Variants in MTMR8 observed in about 807,000 individuals in gnomAD.
MTMR8 encodes the protein phosphatidylinositol-3,5-bisphosphate 3-phosphatase MTMR8.
Under a neutral mutation model 39.3 loss-of-function variants are expected in MTMR8, and 65 were observed. That is an observed-to-expected ratio of 1.65 (90% confidence interval 1.35 to 2.03). The LOEUF (loss-of-function observed/expected upper bound fraction) is 2.03, where lower values mean the gene tolerates loss of function less well. Ranked by LOEUF, MTMR8 falls within the 30% of genes most tolerant of loss-of-function variation. The probability of loss-of-function intolerance (pLI) is 0.00; values close to 1 mark genes in which losing one functional copy is unlikely to be tolerated. For missense variants in MTMR8, 777 were observed against 538.9 expected, an observed-to-expected ratio of 1.44 and a Z score of -4.37; for synonymous variants, 245 against 185.2, an observed-to-expected ratio of 1.32 and a Z score of -2.62.
chrX:64,285,054 T>G (rs1389591124), intron 12 of MTMR8, among the ~76,000 whole-genome samples: 1 of 111,629 alleles, frequency 9.0e-6, no homozygotes, highest in Admixed American at 9.5e-5. Flanking sequence ...CAAGACCCAT[T>G]AGTGTGCTGT....
At chrX:64,303,094 C>G (rs1204096445) in intron 12 of MTMR8, among the ~76,000 whole-genome samples, 1 of 112,385 alleles carries the variant, frequency 8.9e-6, no homozygotes, top group Non-Finnish European at 1.9e-5. Flanking sequence ...TTCAAAGTCA[C>G]TATAATCCCC....
In MTMR8 at chrX:64,359,226, A is replaced by G. The variant is rs150839992; in HGVS notation, c.147+179T>C. Among the ~76,000 whole-genome samples the G allele has an allele frequency of 3.0e-4, 34 of 111,508 alleles. No homozygotes were observed. In the East Asian group the frequency reaches 9.6e-3, roughly 31 times the overall value. ...ATGACTATGATGACCAGAGCCAATAACTTGAAAAAAGAGGAGTAATACAAT... is the reference window on the plus strand; with the variant it reads ...ATGACTATGATGACCAGAGCCAATAGCTTGAAAAAAGAGGAGTAATACAAT... On this transcript the variant is annotated intron_variant, in intron 2 of 13. Coordinates refer to ENST00000374852, the MANE Select transcript of MTMR8 (RefSeq NM_017677.4).
chrX:64,295,751 G>A (rs1396881284), intron 12 of MTMR8, among the ~76,000 whole-genome samples: 2 of 111,025 alleles, frequency 1.8e-5, no homozygotes, highest in African/African-American at 6.5e-5. Flanking sequence ...TCGAAACCAC[G>A]AGATACTACT....
At chrX:64,374,208 C>T (rs1924202681) in intron 1 of MTMR8, among the ~76,000 whole-genome samples, 1 of 111,455 alleles carries the variant, frequency 9.0e-6, no homozygotes, top group Non-Finnish European at 1.9e-5. Context: ...GTGGTAAATG[C>T]CAAAACAGGT....
intron 12 of MTMR8, among the ~76,000 whole-genome samples, chrX:64,317,423 C>T (rs1187161824): frequency 9.0e-6 from 1 of 111,467 alleles, no homozygotes; most frequent in African/African-American, 3.3e-5. Flanking sequence ...TGGGTACTTT[C>T]TATTTTTATA....
intron 1 of MTMR8, among the ~76,000 whole-genome samples, chrX:64,375,928 C>T: frequency 9.0e-6 from 1 of 111,685 alleles, no homozygotes; most frequent in East Asian, 2.8e-4. Flanking sequence ...CCTTGCTGTT[C>T]TCATGATAGT....
chrX:64,371,237 A>G (rs1463837489), intron 1 of MTMR8, among the ~76,000 whole-genome samples: 1 of 112,308 alleles, frequency 8.9e-6, no homozygotes, highest in Non-Finnish European at 1.9e-5. Context: ...TTTATAAGAA[A>G]AGCATTACAA....
At chrX:64,382,556 C>T (rs1356719350) in intron 1 of MTMR8, among the ~76,000 whole-genome samples, 1 of 111,303 alleles carries the variant, frequency 9.0e-6, no homozygotes, top group Non-Finnish European at 1.9e-5. Flanking sequence ...CAAACAGGGA[C>T]AATTTGACTT....
chrX:64,357,805 C>A (rs1434001516), intron 2 of MTMR8, among the ~76,000 whole-genome samples: 1 of 111,571 alleles, frequency 9.0e-6, no homozygotes, highest in Non-Finnish European at 1.9e-5. Context: ...TATATTCAAC[C>A]TCAAGAAAAT....
intron 1 of MTMR8, among the ~76,000 whole-genome samples, chrX:64,385,053 T>C (rs970812863): frequency 3.6e-5 from 4 of 112,333 alleles, no homozygotes; most frequent in Admixed American, 9.5e-5. Context: ...GCATAGGCAG[T>C]TAGAAGCAGC....
At chrX:64,341,931 T>C (rs1923229783) in intron 8 of MTMR8, among the ~76,000 whole-genome samples, 1 of 111,916 alleles carries the variant, frequency 8.9e-6, no homozygotes, top group Admixed American at 9.5e-5. Flanking sequence ...AGAAAATAGG[T>C]AAATAAAATA....
intron 12 of MTMR8, among the ~76,000 whole-genome samples, chrX:64,302,150 C>A (rs1438130286): frequency 6.2e-5 from 7 of 112,685 alleles, no homozygotes; most frequent in African/African-American, 9.6e-5. Flanking sequence ...CAATGGCGGG[C>A]GCCCCTCCCC....
chrX:64,373,114 C>T (rs1179691670), intron 1 of MTMR8, among the ~76,000 whole-genome samples: 1 of 112,017 alleles, frequency 8.9e-6, no homozygotes. Context: ...AATTCCATTT[C>T]ATATATGTGG....
intron 1 of MTMR8, among the ~76,000 whole-genome samples, chrX:64,388,516 A>G (rs1470462123): frequency 8.9e-6 from 1 of 112,445 alleles, no homozygotes; most frequent in East Asian, 2.8e-4. Flanking sequence ...CCTTGAACTT[A>G]TGCCTCTCCA....
intron 1 of MTMR8, among the ~76,000 whole-genome samples, chrX:64,363,559 C>G (rs1428671657): frequency 8.9e-6 from 1 of 112,415 alleles, no homozygotes; most frequent in Admixed American, 9.4e-5. Flanking sequence ...GGTTTCTGCT[C>G]AGACTGCAGA....
At chrX:64,274,283 A>G (rs1044114192) in intron 12 of MTMR8, among the ~76,000 whole-genome samples, 3 of 112,529 alleles carry the variant, frequency 2.7e-5, no homozygotes, top group African/African-American at 3.2e-5. Flanking sequence ...GAATGAAACT[A>G]GAAATCAATA....
At chrX:64,336,213 G>T in intron 9 of MTMR8, 85 bp from the exon 10 acceptor site, 1 of 646,719 alleles carries the variant, frequency 1.5e-6, no homozygotes, top group African/African-American at 2.2e-5. Context: ...AAAACACTTT[G>T]CTGAAATAGT....
intron 12 of MTMR8, among the ~76,000 whole-genome samples, chrX:64,283,288 C>A (rs1382913992): frequency 8.9e-6 from 1 of 111,825 alleles, no homozygotes; most frequent in East Asian, 2.8e-4. Flanking sequence ...GGGGTGCCCG[C>A]CATTGCTGAG....
chrX:64,311,909 T>C (rs958786198), intron 12 of MTMR8, among the ~76,000 whole-genome samples: 1 of 110,758 alleles, frequency 9.0e-6, no homozygotes, highest in Admixed American at 9.6e-5. Flanking sequence ...TACTGTAGCC[T>C]TGTAGAATAG....
Sources: allele counts gnomAD v4.1 joint callset (sites outside exome capture counted in the v4.1 genomes callset), GRCh38; gene constraint gnomAD v4.1.1; transcripts MANE v1.5; gene names NCBI Gene and HGNC (gene_info 2026-07-23, HGNC 2026-07-21).